MARCHF1: variants seen among roughly 807,000 people sequenced by gnomAD.
MARCHF1 encodes the protein membrane associated ring-CH-type finger 1.
MARCHF1 carries 40 observed loss-of-function variants against 54.2 expected under a neutral mutation model. The observed-to-expected ratio is 0.74, with a 90% CI of 0.57 to 0.96. The LOEUF is 0.96. Among genes scored for constraint, MARCHF1 ranks in the 40% least tolerant of loss-of-function variants. The probability of loss-of-function intolerance (pLI) is 0.00; values close to 1 mark genes in which losing one functional copy is unlikely to be tolerated. For missense variants in MARCHF1, 586 were observed against 656.5 expected (o/e 0.89, Z 1.17); for synonymous variants, 236 against 236.3 (o/e 1.00, Z 0.01).
intron 3 of MARCHF1, among the ~76,000 whole-genome samples, chr4:163,946,788 GC>G (rs1752035211): frequency 6.6e-6 from 1 of 152,160 alleles, no homozygotes; most frequent in Non-Finnish European, 1.5e-5. Context: ...GTCTCCCTTA[GC>G]AATTAAAAAG....
At chr4:164,003,200 G>C (rs955644886) in intron 2 of MARCHF1, among the ~76,000 whole-genome samples, 8 of 151,550 alleles carry the variant, frequency 5.3e-5, no homozygotes, top group Non-Finnish European at 7.4e-5. Context: ...AAATTAAATA[G>C]ATATTGCTAA....
chr4:163,557,915 T>G (rs183457826), intron 8 of MARCHF1, among the ~76,000 whole-genome samples: 1 of 152,348 alleles, frequency 6.6e-6, no homozygotes, highest in Non-Finnish European at 1.5e-5. Flanking sequence ...GAGGTAAGGT[T>G]CAGCGTCCAC....
chr4:163,939,252 C>T (rs1014515096), intron 3 of MARCHF1, among the ~76,000 whole-genome samples: 5 of 152,268 alleles, frequency 3.3e-5, no homozygotes, highest in East Asian at 1.9e-4. Context: ...AACGTGCTCA[C>T]TATGTGAGCT....
intron 4 of MARCHF1, among the ~76,000 whole-genome samples, chr4:163,749,465 GA>G (rs1746457072): frequency 1.3e-5 from 2 of 151,662 alleles, no homozygotes; most frequent in South Asian, 4.2e-4. Flanking sequence ...GTAAAATATT[GA>G]ATATTAATAG....
At chr4:164,348,806 C>T (rs1730193636) in intron 1 of MARCHF1, among the ~76,000 whole-genome samples, 1 of 152,120 alleles carries the variant, frequency 6.6e-6, no homozygotes, top group Non-Finnish European at 1.5e-5. Context: ...TCAGTTCATC[C>T]ATACACACTC....
At chr4:163,543,622 T>C (rs1405797868) in intron 9 of MARCHF1, among the ~76,000 whole-genome samples, 1 of 152,090 alleles carries the variant, frequency 6.6e-6, no homozygotes, top group Non-Finnish European at 1.5e-5. Context: ...GAAGAAAGCA[T>C]GGAGCCATGA....
intron 3 of MARCHF1, among the ~76,000 whole-genome samples, chr4:163,907,020 C>T (rs951810475): frequency 6.6e-6 from 1 of 151,844 alleles, no homozygotes; most frequent in Admixed American, 6.6e-5. Flanking sequence ...CCTTTTTAAA[C>T]CTTAGTGTCA....
chr4:164,351,742 C>G (rs893470366), intron 1 of MARCHF1, among the ~76,000 whole-genome samples: 2 of 151,960 alleles, frequency 1.3e-5, no homozygotes, highest in Non-Finnish European at 2.9e-5. Flanking sequence ...TCACCAGCAG[C>G]GGAACAAAGC....
At chr4:163,596,404 G>T (rs908637232) in intron 7 of MARCHF1, among the ~76,000 whole-genome samples, 2 of 151,956 alleles carry the variant, frequency 1.3e-5, no homozygotes, top group Non-Finnish European at 2.9e-5. Context: ...GCCAGGCATG[G>T]TGGCATGTGC....
intron 2 of MARCHF1, among the ~76,000 whole-genome samples, chr4:163,995,476 T>C (rs910281171): frequency 6.6e-6 from 1 of 151,958 alleles, no homozygotes; most frequent in African/African-American, 2.4e-5. Context: ...GGGCTAAAAG[T>C]CCCAACCATC....
At chr4:164,203,540 T>C (rs1268540057) in intron 1 of MARCHF1, among the ~76,000 whole-genome samples, 4 of 152,186 alleles carry the variant, frequency 2.6e-5, no homozygotes, top group Non-Finnish European at 4.4e-5. Flanking sequence ...GAAACCCACC[T>C]ACATTAAGGA....
At chr4:164,166,495 T>A (rs1024784580) in intron 1 of MARCHF1, among the ~76,000 whole-genome samples, 1 of 151,910 alleles carries the variant, frequency 6.6e-6, no homozygotes, top group Non-Finnish European at 1.5e-5. Context: ...AAGGAAAACA[T>A]CCCAACATAT....
At chr4:163,894,627 T>C (rs1750741076) in intron 3 of MARCHF1, among the ~76,000 whole-genome samples, 1 of 133,958 alleles carries the variant, frequency 7.5e-6, no homozygotes, top group East Asian at 2.2e-4. Context: ...ATGCATGTGA[T>C]GCATATATAT....
chr4:163,966,868 A>G, intron 3 of MARCHF1, among the ~76,000 whole-genome samples: 1 of 152,128 alleles, frequency 6.6e-6, no homozygotes. Context: ...TGATTGTACG[A>G]TTGCAGACAT....
chr4:164,128,213 T>C (rs1251723406), intron 1 of MARCHF1, among the ~76,000 whole-genome samples: 1 of 152,052 alleles, frequency 6.6e-6, no homozygotes, highest in Non-Finnish European at 1.5e-5. Flanking sequence ...GAAGAAAACA[T>C]GGATTAATTC....
At chr4:164,000,388 G>T (rs1297515298) in intron 2 of MARCHF1, among the ~76,000 whole-genome samples, 1 of 151,690 alleles carries the variant, frequency 6.6e-6, no homozygotes, top group African/African-American at 2.4e-5. Context: ...TGCCAGGGAT[G>T]CCAGAAAACA....
intron 1 of MARCHF1, among the ~76,000 whole-genome samples, chr4:164,153,994 A>G (rs1159741345): frequency 2.0e-5 from 3 of 152,182 alleles, no homozygotes; most frequent in Non-Finnish European, 4.4e-5. Context: ...CCTGTTCTAT[A>G]TTGTCTTTTC....
intron 2 of MARCHF1, among the ~76,000 whole-genome samples, chr4:164,016,286 A>G (rs1753541597): frequency 6.6e-6 from 1 of 152,088 alleles, no homozygotes; most frequent in Admixed American, 6.6e-5. Context: ...GAAGGAAGCG[A>G]AGGGGGAAGA....
rs190743552 is a variant in MARCHF1, at chr4:164,065,021, G to A, written c.-248+46567C>T. 2.3e-3 allele frequency among the ~76,000 whole-genome samples: 350 copies of A among 152,236 alleles called. 2 individuals carry two copies. Among genetic ancestry groups the A allele is most frequent in the African/African-American group, 7.9e-3 (330 of 41,534 alleles). ...AAGCCAGCTTGATCATAGTGGGTGA[G>A]CTTTTTGATGTGTTGCTGGATTCGG... is the stretch of plus-strand genomic sequence containing the variant. On this transcript the variant is annotated intron_variant, in intron 2 of 9. Transcript: ENST00000514618.
Sources: allele counts gnomAD v4.1 joint callset (sites outside exome capture counted in the v4.1 genomes callset), GRCh38; gene constraint gnomAD v4.1.1; transcripts MANE v1.5; gene names NCBI Gene and HGNC (gene_info 2026-07-23, HGNC 2026-07-21).